The following KIAA0825 variants were observed in gnomAD, a reference collection of about 807,000 sequenced individuals.
KIAA0825 encodes the protein uncharacterized protein KIAA0825.
In KIAA0825, 119 loss-of-function variants were observed where a neutral mutation model predicts 147.6. That is an observed-to-expected ratio of 0.81 (90% CI 0.69 to 0.94). The LOEUF is 0.94. Ranked by LOEUF, KIAA0825 falls within the 40% of genes least tolerant of loss-of-function variation. The pLI is 0.00. For synonymous variants in KIAA0825, 470 were observed against 518.1 expected (o/e 0.91, Z 1.26); for missense variants, 1,381 against 1,472.7 (o/e 0.94, Z 1.02).
intron 20 of KIAA0825, among the ~76,000 whole-genome samples, chr5:94,365,345 G>A (rs978565783): frequency 3.9e-5 from 6 of 152,104 alleles, no homozygotes; most frequent in African/African-American, 1.2e-4. Flanking sequence ...AGACAACAAT[G>A]CCCCTTCACC....
At position 94,547,327 on chromosome 5, in the gene KIAA0825, T is replaced by TA. The variant is rs577601509; in HGVS notation, c.-1-10201dup. Reference sequence around the variant, plus strand: ...AATTTTAAAAATGGCACCTCAAACTTAGAGAGGTATATCAACATTCAAGTT... The same window carrying TA: ...AATTTTAAAAATGGCACCTCAAACTTAAGAGAGGTATATCAACATTCAAGTT... On this transcript the variant is annotated intron_variant, in intron 2 of 20. Transcript: ENST00000682413. Among the ~76,000 whole-genome samples, 534 of 152,016 alleles carry TA rather than the reference T, an allele frequency of 3.5e-3. 3 individuals are homozygous for TA. The highest frequency in any genetic ancestry group is 5.7e-3 in the Non-Finnish European group (391 of 68,006).
chr5:94,529,281 T>TATATATGTATATATC (rs1770115916), intron 3 of KIAA0825, among the ~76,000 whole-genome samples: 1 of 137,168 alleles, frequency 7.3e-6, no homozygotes. Context: ...GTATGTATCA[T>TATATATGTATATATC]ATATATGTAT....
intron 20 of KIAA0825, among the ~76,000 whole-genome samples, chr5:94,381,375 GA>G (rs1271695667): frequency 1.3e-5 from 2 of 151,884 alleles, no homozygotes; most frequent in African/African-American, 4.8e-5. Context: ...AAATATTTGG[GA>G]AAAAAAATTC....
chr5:94,366,613 C>A (rs1745890582), intron 20 of KIAA0825, among the ~76,000 whole-genome samples: 1 of 152,136 alleles, frequency 6.6e-6, no homozygotes, highest in African/African-American at 2.4e-5. Context: ...TCCTGTGTTC[C>A]AGGCCTTGTA....
intron 1 of KIAA0825, among the ~76,000 whole-genome samples, chr5:94,588,543 T>C (rs1347845549): frequency 1.3e-5 from 2 of 152,202 alleles, no homozygotes; most frequent in Non-Finnish European, 2.9e-5. Flanking sequence ...AAACAACAGA[T>C]GCTGGAGAGG....
At chr5:94,410,415 C>T (rs1349312538) in intron 15 of KIAA0825, among the ~76,000 whole-genome samples, 1 of 151,900 alleles carries the variant, frequency 6.6e-6, no homozygotes, top group Non-Finnish European at 1.5e-5. Context: ...TGGCAAAAGA[C>T]AAAATATTCC....
chr5:94,602,243 C>T (rs1196656815), intron 1 of KIAA0825, among the ~76,000 whole-genome samples: 2 of 151,744 alleles, frequency 1.3e-5, no homozygotes, highest in Non-Finnish European at 2.9e-5. Flanking sequence ...CCCAGCTACT[C>T]GGGAGGCTGA....
intron 20 of KIAA0825, among the ~76,000 whole-genome samples, chr5:94,205,888 A>G (rs777628596): frequency 1.3e-5 from 2 of 152,146 alleles, no homozygotes; most frequent in Non-Finnish European, 2.9e-5. Flanking sequence ...CATATGTTTT[A>G]GCATTATTTT....
intron 20 of KIAA0825, among the ~76,000 whole-genome samples, chr5:94,176,220 G>C (rs1769084638): frequency 6.6e-6 from 1 of 151,996 alleles, no homozygotes; most frequent in Admixed American, 6.6e-5. Context: ...ACAAGAGCAG[G>C]TTTTTAAAAA....
At chr5:94,534,968 A>C (rs1055634148) in intron 3 of KIAA0825, among the ~76,000 whole-genome samples, 1 of 152,138 alleles carries the variant, frequency 6.6e-6, no homozygotes, top group African/African-American at 2.4e-5. Flanking sequence ...TAAAATACAT[A>C]AATATATAAC....
intron 20 of KIAA0825, among the ~76,000 whole-genome samples, chr5:94,271,783 C>A (rs1777002220): frequency 6.6e-6 from 1 of 151,768 alleles, no homozygotes. Context: ...AAAAATAGAC[C>A]TACCCTATGA....
At chr5:94,174,615 T>C (rs754331516) in intron 20 of KIAA0825, among the ~76,000 whole-genome samples, 3 of 152,174 alleles carry the variant, frequency 2.0e-5, no homozygotes, top group Non-Finnish European at 2.9e-5. Context: ...CTATTTCAGA[T>C]GTAAGTATTG....
intron 5 of KIAA0825, chr5:94,519,753 A>G (rs2151204815): frequency 1.2e-6 from 1 of 827,656 alleles, no homozygotes; most frequent in South Asian, 5.6e-5. Context: ...AAATTTTCAA[A>G]AATTCTTTTT....
At chr5:94,198,869 A>T (rs948225224) in intron 20 of KIAA0825, among the ~76,000 whole-genome samples, 1 of 152,198 alleles carries the variant, frequency 6.6e-6, no homozygotes. Flanking sequence ...GTATTATGAA[A>T]TTCCTGTTGT....
chr5:94,473,755 G>A (rs1006073136), intron 7 of KIAA0825, among the ~76,000 whole-genome samples: 1 of 152,046 alleles, frequency 6.6e-6, no homozygotes, highest in Non-Finnish European at 1.5e-5. Context: ...TTCATCAGTA[G>A]ATTTAATAAA....
At chr5:94,261,270 T>G (rs1029486700) in intron 20 of KIAA0825, among the ~76,000 whole-genome samples, 1 of 152,064 alleles carries the variant, frequency 6.6e-6, no homozygotes, top group Non-Finnish European at 1.5e-5. Flanking sequence ...ACCATTGCAC[T>G]CTAGAGCCAG....
chr5:94,616,154 T>C (rs1221044737), intron 1 of KIAA0825, among the ~76,000 whole-genome samples: 1 of 152,184 alleles, frequency 6.6e-6, no homozygotes, highest in Non-Finnish European at 1.5e-5. Context: ...AAAATATCCC[T>C]GAGATCTGCC....
intron 5 of KIAA0825, among the ~76,000 whole-genome samples, chr5:94,494,333 T>C (rs1053923138): frequency 2.0e-5 from 3 of 149,136 alleles, no homozygotes; most frequent in African/African-American, 7.4e-5. Context: ...TTTTTTTTTT[T>C]TTTTTGACTG....
At chr5:94,241,842 G>A (rs895836150) in intron 20 of KIAA0825, among the ~76,000 whole-genome samples, 11 of 152,106 alleles carry the variant, frequency 7.2e-5, no homozygotes, top group Non-Finnish European at 2.9e-5. Context: ...AAAAAGAAAT[G>A]TACTAATTGG....
Sources: gnomAD v4.1 joint callset for allele counts (sites outside exome capture counted in the v4.1 genomes callset) on GRCh38, gnomAD v4.1.1 for gene constraint, MANE v1.5 for transcripts, NCBI Gene and HGNC (gene_info 2026-07-23, HGNC 2026-07-21) for gene names.